SRGAP1: variants seen among roughly 807,000 people sequenced by gnomAD.
The protein encoded by SRGAP1 is SLIT-ROBO Rho GTPase activating protein 1.
SRGAP1 carries 43 observed loss-of-function variants against 121.9 expected under a neutral mutation model. That is an observed-to-expected ratio of 0.35 (90% CI 0.28 to 0.46). The LOEUF (loss-of-function observed/expected upper bound fraction) is 0.46, where lower values mean the gene tolerates loss of function less well. SRGAP1 is among the 20% of genes least tolerant of loss of function. The pLI is 1.00. For missense variants in SRGAP1, 1,102 were observed against 1,350.9 expected (o/e 0.82, Z 2.89); for synonymous variants, 447 against 485.4 (o/e 0.92, Z 1.04).
At chr12:63,984,186 A>T in intron 2 of SRGAP1, 44 bp downstream of exon 2, 1 of 1,146,762 alleles carries the variant, frequency 8.7e-7, no homozygotes, top group Non-Finnish European at 1.2e-6. Flanking sequence ...GGTGATATCC[A>T]TACTGCCTTT....
chr12:63,940,311 ACTCCATC>A, intron 1 of SRGAP1, among the ~76,000 whole-genome samples: 1 of 138,574 alleles, frequency 7.2e-6, no homozygotes, highest in South Asian at 2.3e-4. Flanking sequence ...TCCATCCCCC[ACTCCATC>A]CTGCCTTTTT....
At chr12:64,003,348 A>T (rs1307482271) in intron 3 of SRGAP1, among the ~76,000 whole-genome samples, 1 of 152,092 alleles carries the variant, frequency 6.6e-6, no homozygotes, top group African/African-American at 2.4e-5. Flanking sequence ...TGGCCTCCTG[A>T]AGTGCTGGGA....
At chr12:64,032,063 A>G (rs1368484573) in intron 4 of SRGAP1, among the ~76,000 whole-genome samples, 1 of 152,236 alleles carries the variant, frequency 6.6e-6, no homozygotes, top group Non-Finnish European at 1.5e-5. Flanking sequence ...TCAACTAAAG[A>G]CAGGGTTCTT....
At chr12:63,878,816 T>G (rs1026276553) in intron 1 of SRGAP1, 9 of 152,318 alleles carry the variant, frequency 5.9e-5, no homozygotes, top group African/African-American at 1.7e-4. Flanking sequence ...TAGGGATCAG[T>G]CTTCTCATCT....
intron 10 of SRGAP1, among the ~76,000 whole-genome samples, chr12:64,083,333 G>A (rs1391379303): frequency 6.6e-6 from 1 of 152,162 alleles, no homozygotes; most frequent in Admixed American, 6.5e-5. Context: ...AACAAATAGA[G>A]CCTAACCCGA....
In SRGAP1 at chr12:64,149,124, G is replaced by A. The variant is rs982976664; in HGVS notation, c.*6452G>A. The A allele has an allele frequency of 1.4e-4, 21 of 152,096 alleles. No homozygotes were observed. The highest frequency in any genetic ancestry group is 1.5e-5 in the Non-Finnish European group (1 of 68,012). The allele number at this position is 152,096 out of a possible 1,614,324, so 9.4% of individuals were successfully genotyped here. A position where few individuals can be genotyped will look rare whatever the true frequency, so the allele number is the denominator to read the frequency against. On this transcript the variant is annotated 3_prime_UTR_variant, in exon 22 of 22. Transcript: ENST00000355086. ...TTAGTATTTCCTGATTAAACTTTGG[G>A]TAGTATATGCAGATATCTTTAAACA...
chr12:64,051,566 G>C (rs1593079511), intron 6 of SRGAP1, among the ~76,000 whole-genome samples: 1 of 152,160 alleles, frequency 6.6e-6, no homozygotes, highest in East Asian at 1.9e-4. Flanking sequence ...CATTGACACT[G>C]TATTTAATGG....
chr12:64,080,533 C>A, intron 10 of SRGAP1, 163 bp downstream of exon 10: 2 of 720,174 alleles, frequency 2.8e-6, no homozygotes, highest in Non-Finnish European at 2.5e-6. Flanking sequence ...GTTCTCCTGG[C>A]ACGATTTTCT....
chr12:64,084,187 T>C (rs148185840), intron 10 of SRGAP1, among the ~76,000 whole-genome samples: 152 of 152,298 alleles, frequency 1.0e-3, no homozygotes, highest in Middle Eastern at 3.4e-3. Flanking sequence ...CCATTAACTA[T>C]ATGTAGGAGA....
At chr12:63,964,760 C>A (rs954455332) in intron 1 of SRGAP1, among the ~76,000 whole-genome samples, 3 of 152,190 alleles carry the variant, frequency 2.0e-5, no homozygotes, top group African/African-American at 7.2e-5. Context: ...AGAGGACTAA[C>A]TGTATTAAAA....
At chr12:63,871,742 G>A (rs1899861492) in intron 1 of SRGAP1, 1 of 1,051,736 alleles carries the variant, frequency 9.5e-7, no homozygotes, top group Non-Finnish European at 1.5e-6. Flanking sequence ...CCAAAGTTTA[G>A]AACTGGATCA....
chr12:63,856,820 T>C lies in SRGAP1; in HGVS notation c.67+11937T>C, dbSNP rs147192376. ...AATTTTAGAATTAGTTGGCCTTCCA[T>C]TGAAAACACATTGGCATTTTGATTG... On this transcript the variant is annotated intron_variant, in intron 1 of 21. Transcript: ENST00000355086. Among the ~76,000 whole-genome samples, 199 of 152,322 alleles carry C rather than the reference T, an allele frequency of 1.3e-3. 1 individual carries two copies. The highest frequency in any genetic ancestry group is 4.1e-3 in the African/African-American group (172 of 41,576).
chr12:63,910,735 A>G (rs372579805), intron 1 of SRGAP1, among the ~76,000 whole-genome samples: 3 of 152,196 alleles, frequency 2.0e-5, no homozygotes, highest in Non-Finnish European at 4.4e-5. Flanking sequence ...GTACACCATA[A>G]TATTTTCTCT....
Position 64,149,246 on chromosome 12 carries a change from G to T in SRGAP1, c.*6574G>T, listed in dbSNP as rs2037093393. ...GTTGAACTAACCTGTTGACCGGAAG[G>T]CCTACTCAAAGGCAAGGATACTTTT... On this transcript the variant is annotated 3_prime_UTR_variant, in exon 22 of 22. Coordinates refer to ENST00000355086, the MANE Select transcript of SRGAP1 (RefSeq NM_020762.4). 1 of 152,164 alleles carries T rather than the reference G, an allele frequency of 6.6e-6. No individual in the cohort carries two copies. Among genetic ancestry groups the T allele is most frequent in the Non-Finnish European group, 1.5e-5 (1 of 68,038 alleles). 9.4% of individuals were successfully genotyped at this position (152,164 alleles called of 1,614,324 possible). A position where few individuals can be genotyped will look rare whatever the true frequency, so the allele number is the denominator to read the frequency against.
intron 1 of SRGAP1, chr12:63,871,798 A>C (rs1899864144): frequency 7.6e-7 from 1 of 1,321,510 alleles, no homozygotes; most frequent in Non-Finnish European, 1.1e-6. Context: ...AAATGCTTGC[A>C]TCTGTTAATG....
chr12:64,005,042 C>T (rs556628737), intron 3 of SRGAP1, among the ~76,000 whole-genome samples: 16 of 152,070 alleles, frequency 1.1e-4, no homozygotes, highest in South Asian at 2.1e-4. Flanking sequence ...GAAGAGATAC[C>T]GAATATGGCT....
At chr12:63,993,920 A>T (rs1456267987) in intron 3 of SRGAP1, among the ~76,000 whole-genome samples, 3 of 152,168 alleles carry the variant, frequency 2.0e-5, no homozygotes, top group African/African-American at 7.2e-5. Context: ...AATACTGATT[A>T]TTTTAGATTT....
rs1301091397 is a variant in SRGAP1, at chr12:64,146,865, C to G, written c.*4193C>G. The G allele has an allele frequency of 6.9e-6, 1 of 144,644 alleles. No individual in the cohort carries two copies. The highest frequency in any genetic ancestry group is 2.6e-5 in the African/African-American group (1 of 38,828). The allele number at this position is 144,644 out of a possible 1,614,324, so 9.0% of individuals were successfully genotyped here. ...AAGCAAACTGGAATTTGAGCTTTCA[C>G]TTACCCTAGTATACGTTCTTAAAAA... On this transcript the variant is annotated 3_prime_UTR_variant, in exon 22 of 22. Transcript: ENST00000355086.
intron 4 of SRGAP1, among the ~76,000 whole-genome samples, chr12:64,038,267 A>G (rs988826267): frequency 5.9e-5 from 9 of 152,228 alleles, no homozygotes; most frequent in Admixed American, 5.9e-4. Context: ...ATACGTATAT[A>G]TGTACATATC....
Sources: gnomAD v4.1 joint callset for allele counts (sites outside exome capture counted in the v4.1 genomes callset) on GRCh38, gnomAD v4.1.1 for gene constraint, MANE v1.5 for transcripts, NCBI Gene and HGNC (gene_info 2026-07-23, HGNC 2026-07-21) for gene names.